TRIM9: variants seen among roughly 807,000 people sequenced by gnomAD.
TRIM9 encodes E3 ubiquitin-protein ligase TRIM9.
TRIM9 carries 26 observed loss-of-function variants against 78.3 expected under a neutral mutation model. The observed-to-expected ratio is 0.33, with a 90% confidence interval of 0.24 to 0.46. The LOEUF (loss-of-function observed/expected upper bound fraction) is 0.46. Ranked by LOEUF, TRIM9 falls within the 20% of genes least tolerant of loss-of-function variation. The probability of loss-of-function intolerance (pLI) is 1.00; values close to 1 mark genes in which losing one functional copy is unlikely to be tolerated. For synonymous variants in TRIM9, 398 were observed against 416.5 expected (o/e 0.96, Z 0.54); for missense variants, 787 against 1,036.4 (o/e 0.76, Z 3.30).
chr14:50,981,727 T>C, intron 11 of TRIM9, 73 bp downstream of exon 11: 1 of 1,581,560 alleles, frequency 6.3e-7, no homozygotes, highest in East Asian at 2.2e-5. Flanking sequence ...ATGTAATAGG[T>C]TTTTGAACTG....
chr14:51,080,259 G>A (rs2063175114), intron 1 of TRIM9, among the ~76,000 whole-genome samples: 1 of 151,754 alleles, frequency 6.6e-6, no homozygotes, highest in African/African-American at 2.4e-5. Flanking sequence ...TTATAATGAG[G>A]GAACATTCAT....
intron 7 of TRIM9, among the ~76,000 whole-genome samples, chr14:50,994,184 T>C (rs1206548632): frequency 6.6e-6 from 1 of 152,096 alleles, no homozygotes; most frequent in African/African-American, 2.4e-5. Flanking sequence ...GGGAGGAGGA[T>C]CACTTGAGGC....
chr14:51,023,395 C>T (rs1414076155), intron 2 of TRIM9, among the ~76,000 whole-genome samples: 1 of 152,112 alleles, frequency 6.6e-6, no homozygotes, highest in Non-Finnish European at 1.5e-5. Flanking sequence ...TGGCACTGGT[C>T]TTCAATATTA....
rs555220120 is a variant in TRIM9, at chr14:50,996,464, T to C, written c.1603+1586A>G. On this transcript the variant is annotated intron_variant, in intron 7 of 12. Coordinates refer to ENST00000684578, the MANE Select transcript of TRIM9 (RefSeq NM_001387360.1). ...TGCTAATAACTGATTTTTACCAGAATAGTATGATTCCCATGATGTATTATG... is the reference window on the plus strand; with the variant it reads ...TGCTAATAACTGATTTTTACCAGAACAGTATGATTCCCATGATGTATTATG... The C allele has an allele frequency of 2.8e-5, 28 of 985,442 alleles. No individual in the cohort carries two copies. In the South Asian group the frequency reaches 9.9e-4, roughly 35 times the overall value. 61.0% of individuals were successfully genotyped at this position (985,442 alleles called of 1,614,324 possible). A position where few individuals can be genotyped will look rare whatever the true frequency, so the allele number is the denominator to read the frequency against.
chr14:50,979,189 T>C, intron 12 of TRIM9, 198 bp downstream of exon 12: 2 of 1,447,160 alleles, frequency 1.4e-6, no homozygotes, highest in South Asian at 1.5e-5. Context: ...TGCGTCCAAG[T>C]ATAAAGAAGG....
intron 10 of TRIM9, 153 bp downstream of exon 10, chr14:50,982,789 A>C (rs2052139360): frequency 1.6e-6 from 1 of 639,216 alleles, no homozygotes; most frequent in Admixed American, 3.0e-5. Flanking sequence ...AGATAGAATG[A>C]TGTCTTTGTA....
At chr14:51,082,936 G>T (rs1238209532) in intron 1 of TRIM9, among the ~76,000 whole-genome samples, 2 of 152,254 alleles carry the variant, frequency 1.3e-5, no homozygotes, top group East Asian at 3.9e-4. Context: ...GGGAAAGCTT[G>T]GTCTTGGCAC....
At chr14:51,019,613 G>T (rs1392183534) in intron 3 of TRIM9, among the ~76,000 whole-genome samples, 1 of 152,136 alleles carries the variant, frequency 6.6e-6, no homozygotes, top group Non-Finnish European at 1.5e-5. Context: ...TAGAAAACAA[G>T]CCCCTGGAAA....
intron 9 of TRIM9, 115 bp downstream of exon 9, chr14:50,983,265 G>C: frequency 1.1e-6 from 1 of 894,208 alleles, no homozygotes; most frequent in Non-Finnish European, 1.7e-6. Flanking sequence ...AATAGGGTTA[G>C]AATGACAATT....
At chr14:51,004,647 A>G (rs2055525711) in intron 5 of TRIM9, among the ~76,000 whole-genome samples, 1 of 152,120 alleles carries the variant, frequency 6.6e-6, no homozygotes, top group Non-Finnish European at 1.5e-5. Context: ...CACTCATTTA[A>G]TTTTCACAAT....
intron 1 of TRIM9, among the ~76,000 whole-genome samples, chr14:51,080,283 C>T (rs890589586): frequency 1.3e-5 from 2 of 150,994 alleles, no homozygotes; most frequent in African/African-American, 4.9e-5. Context: ...ATAGTATAGA[C>T]ATATATAACT....
Position 51,094,408 on chromosome 14 carries a change from C to G in TRIM9, c.532G>C (p.Ala178Pro). Residue 178 changes from alanine to proline, a missense_variant, in exon 1 of 13, where the codon GCC becomes CCC. This residue lies in a region of TRIM9 where 352 missense variants were observed against 472.3 expected (regional missense o/e 0.75). Transcript: ENST00000684578. ...CQLCEKAPKE[A>P]TVMCEQCDVF... ...TCGCACTGTTCGCACATGACGGTGGCTTCCTTGGGCGCCTTCTCGCAGAGC... is the reference window on the plus strand; with the variant it reads ...TCGCACTGTTCGCACATGACGGTGGGTTCCTTGGGCGCCTTCTCGCAGAGC... The G allele has an allele frequency of 1.2e-6, 2 of 1,613,946 alleles. No homozygotes were observed. The highest frequency in any genetic ancestry group is 1.7e-6 in the Non-Finnish European group (2 of 1,180,010).
At chr14:51,027,132 CTTTTTTT>C (rs566767264) in intron 1 of TRIM9, among the ~76,000 whole-genome samples, 6 of 85,768 alleles carry the variant, frequency 7.0e-5, no homozygotes, top group African/African-American at 2.2e-4. Context: ...TGGCTGTTAA[CTTTTTTT>C]TTTTTTTTTT....
chr14:51,048,117 C>T (rs2060096450), intron 1 of TRIM9, among the ~76,000 whole-genome samples: 2 of 152,218 alleles, frequency 1.3e-5, no homozygotes, highest in African/African-American at 4.8e-5. Context: ...AATGTTAGAA[C>T]AATGAATATA....
intron 3 of TRIM9, among the ~76,000 whole-genome samples, chr14:51,019,257 T>C (rs1024014147): frequency 6.6e-6 from 1 of 152,250 alleles, no homozygotes; most frequent in Non-Finnish European, 1.5e-5. Flanking sequence ...GTTCCAAATA[T>C]GAGTTAGTAA....
In TRIM9 at chr14:51,027,132, CTTTTTT is replaced by C. The variant is rs566767264; in HGVS notation, c.823-1778_823-1773del. On this transcript the variant is annotated intron_variant, in intron 1 of 12. Transcript: ENST00000684578. ...GTGCTTAATAAATGCTGGCTGTTAACTTTTTTTTTTTTTTTTTTTTTTTTTTTTTGA... is the reference window on the plus strand; with the variant it reads ...GTGCTTAATAAATGCTGGCTGTTAACTTTTTTTTTTTTTTTTTTTTTTTGA... Among the ~76,000 whole-genome samples, 56 of 85,762 alleles carry C rather than the reference CTTTTTT, an allele frequency of 6.5e-4. 1 individual carries two copies. The highest frequency in any genetic ancestry group is 8.5e-3 in the Middle Eastern group (1 of 118). 56.3% of individuals were successfully genotyped at this position (85,762 alleles called of 152,430 possible). A position where few individuals can be genotyped will look rare whatever the true frequency, so the allele number is the denominator to read the frequency against.
intron 1 of TRIM9, among the ~76,000 whole-genome samples, chr14:51,092,027 C>A (rs1479849780): frequency 1.3e-5 from 2 of 152,118 alleles, no homozygotes; most frequent in African/African-American, 4.8e-5. Context: ...ATCCTAATTA[C>A]CTTGTGGCTC....
In TRIM9 at chr14:51,045,499, T is replaced by A. The variant is rs376463315; in HGVS notation, c.823-20139A>T. Among the ~76,000 whole-genome samples the A allele has an allele frequency of 5.9e-5, 9 of 152,232 alleles. No individual in the cohort carries two copies. The East Asian group carries it at 1.5e-3, about 26-fold the overall frequency. On this transcript the variant is annotated intron_variant, in intron 1 of 12. Coordinates refer to ENST00000684578, the MANE Select transcript of TRIM9 (RefSeq NM_001387360.1). Reference sequence around the variant, plus strand: ...ATGTCAAGTTTCAGTTGGAGTATTGTAGAGGGCATTTAAGACCTCACTGGT... The same window carrying A: ...ATGTCAAGTTTCAGTTGGAGTATTGAAGAGGGCATTTAAGACCTCACTGGT...
In TRIM9 at chr14:51,095,042, G is replaced by T; in HGVS notation, c.-103C>A. The T allele has an allele frequency of 2.3e-6, 2 of 882,806 alleles. No individual in the cohort carries two copies. The highest frequency in any genetic ancestry group is 3.1e-6 in the Non-Finnish European group (2 of 648,636). The allele number at this position is 882,806 out of a possible 1,614,324, so 54.7% of individuals were successfully genotyped here. On this transcript the variant is annotated 5_prime_UTR_variant, in exon 1 of 13. Transcript: ENST00000684578. ...TCCAGCACCCTGGCCAGCGGCGGCG[G>T]CTGTGGTGGTGGTGCCTTCCCGCGC...
Sources: allele counts gnomAD v4.1 joint callset (sites outside exome capture counted in the v4.1 genomes callset), GRCh38; gene constraint gnomAD v4.1.1; regional missense constraint gnomAD v4.1.1; transcripts MANE v1.5; gene names NCBI Gene and HGNC (gene_info 2026-07-23, HGNC 2026-07-21).